The following PDE3A variants were observed in gnomAD, a reference collection of about 807,000 sequenced individuals.
The protein encoded by PDE3A is cGMP-inhibited 3',5'-cyclic phosphodiesterase 3A.
In PDE3A, 43 loss-of-function variants were observed where a neutral mutation model predicts 98.3. The ratio of observed to expected loss-of-function variants is 0.44; its 90% confidence interval spans 0.34 to 0.56. The LOEUF (loss-of-function observed/expected upper bound fraction) is 0.56, where lower values mean the gene tolerates loss of function less well. Ranked by LOEUF, PDE3A falls within the 20% of genes least tolerant of loss-of-function variation. PDE3A has a pLI of 0.01. For missense variants in PDE3A, 1,427 were observed against 1,440.7 expected, an observed-to-expected ratio of 0.99 and a Z score of 0.15; for synonymous variants, 663 against 567.9, an observed-to-expected ratio of 1.17 and a Z score of -2.38.
intron 2 of PDE3A, among the ~76,000 whole-genome samples, chr12:20,607,436 CAAA>C (rs765702703): frequency 4.9e-5 from 3 of 61,426 alleles, no homozygotes; most frequent in African/African-American, 1.3e-4. Context: ...GACTCCGTCT[CAAA>C]AAAAAAAAAA....
At chr12:20,590,026 A>G (rs1592087372) in intron 2 of PDE3A, among the ~76,000 whole-genome samples, 2 of 152,284 alleles carry the variant, frequency 1.3e-5, no homozygotes, top group African/African-American at 2.4e-5. Flanking sequence ...TGAGTTGGCA[A>G]CGTATTACAT....
intron 5 of PDE3A, among the ~76,000 whole-genome samples, chr12:20,625,948 T>C (rs1944251866): frequency 6.6e-6 from 1 of 152,180 alleles, no homozygotes; most frequent in Non-Finnish European, 1.5e-5. Context: ...TCTGCTAAAA[T>C]TACTCAAATA....
chr12:20,398,319 G>A (rs1944057900), intron 1 of PDE3A, among the ~76,000 whole-genome samples: 1 of 128,556 alleles, frequency 7.8e-6, no homozygotes, highest in Non-Finnish European at 1.7e-5. Context: ...TTTGCCTTTA[G>A]TGATATTATG....
At chr12:20,631,700 A>T (rs75721713) in intron 6 of PDE3A, among the ~76,000 whole-genome samples, 1,901 of 116,820 alleles carry the variant, frequency 0.016, 42 homozygotes, top group Non-Finnish European at 0.02. Flanking sequence ...ATCATAGTGT[A>T]TTTTTTTTTT....
intron 8 of PDE3A, 124 bp from the exon 9 acceptor site, chr12:20,636,976 T>C (rs1944528539): frequency 3.4e-6 from 2 of 595,482 alleles, no homozygotes; most frequent in South Asian, 2.9e-5. Flanking sequence ...AGATCACTTA[T>C]TCACCTTGGA....
At chr12:20,596,403 G>A (rs1395756550) in intron 2 of PDE3A, among the ~76,000 whole-genome samples, 3 of 152,060 alleles carry the variant, frequency 2.0e-5, no homozygotes, top group African/African-American at 7.2e-5. Flanking sequence ...CATGTCTGCT[G>A]ATCCTAGGAT....
intron 1 of PDE3A, among the ~76,000 whole-genome samples, chr12:20,386,102 T>TGTATATAAATATATAA (rs1943775811): frequency 1.2e-3 from 18 of 14,624 alleles, no homozygotes; most frequent in Admixed American, 3.4e-3. Flanking sequence ...TATATATAAA[T>TGTATATAAATATATAA]ATATATATAA....
rs77195655 is a variant in PDE3A at position 20,436,569 on chromosome 12, G to C, written c.960+66325G>C. 5.3e-5 allele frequency among the ~76,000 whole-genome samples: 8 copies of C among 152,274 alleles called. No homozygotes were observed. In the East Asian group the frequency reaches 1.5e-3, roughly 29 times the overall value. ...AAAAATATTTAGTGAGAGGAACTGG[G>C]AGTTTATCAGGAGACATGAATGATT... is the stretch of plus-strand genomic sequence containing the variant. On this transcript the variant is annotated intron_variant, in intron 1 of 15. Coordinates refer to ENST00000359062, the MANE Select transcript of PDE3A (RefSeq NM_000921.5).
At chr12:20,544,723 C>T (rs75949072) in intron 1 of PDE3A, among the ~76,000 whole-genome samples, 2,435 of 151,900 alleles carry the variant, frequency 0.016, 74 homozygotes, top group African/African-American at 0.056. Context: ...TTACATTTCT[C>T]CTCTCTTAAC....
intron 15 of PDE3A, 87 bp from the exon 16 acceptor site, chr12:20,679,943 C>T (rs1448226482): frequency 8.0e-6 from 5 of 627,074 alleles, no homozygotes; most frequent in African/African-American, 4.6e-5. Flanking sequence ...ATTAACTCCT[C>T]TTAATTATCT....
intron 2 of PDE3A, among the ~76,000 whole-genome samples, chr12:20,560,846 G>A (rs1942498628): frequency 1.3e-5 from 2 of 151,840 alleles, no homozygotes; most frequent in African/African-American, 2.4e-5. Context: ...TGTTTTCCTC[G>A]CCGGAAACCC....
At chr12:20,642,591 G>A (rs1944669561) in intron 10 of PDE3A, among the ~76,000 whole-genome samples, 2 of 152,104 alleles carry the variant, frequency 1.3e-5, no homozygotes, top group Non-Finnish European at 2.9e-5. Flanking sequence ...CCTCTCTAAA[G>A]CATATTCTCC....
intron 1 of PDE3A, among the ~76,000 whole-genome samples, chr12:20,412,921 T>A (rs1460555900): frequency 6.6e-6 from 1 of 152,178 alleles, no homozygotes. Flanking sequence ...AGGGAGTGCA[T>A]GTTTTAAAGT....
intron 1 of PDE3A, among the ~76,000 whole-genome samples, chr12:20,429,508 C>A (rs891162317): frequency 6.6e-6 from 1 of 152,144 alleles, no homozygotes; most frequent in Admixed American, 6.5e-5. Flanking sequence ...TTGATCACAT[C>A]TGTGTTTCTG....
intron 1 of PDE3A, among the ~76,000 whole-genome samples, chr12:20,402,215 C>T (rs1205917587): frequency 6.6e-6 from 1 of 151,926 alleles, no homozygotes; most frequent in Non-Finnish European, 1.5e-5. Flanking sequence ...AGTGGCACGA[C>T]CTTGGCTCAC....
chr12:20,370,404 T>G (rs1314530296), intron 1 of PDE3A, 160 bp downstream of exon 1: 9 of 473,300 alleles, frequency 1.9e-5, no homozygotes, highest in East Asian at 1.3e-4. Flanking sequence ...TTTTTTGTTT[T>G]TTTTGTTTTT....
intron 1 of PDE3A, among the ~76,000 whole-genome samples, chr12:20,510,431 A>T (rs1029764433): frequency 1.3e-5 from 2 of 152,124 alleles, no homozygotes; most frequent in Non-Finnish European, 2.9e-5. Flanking sequence ...AATGGATGGC[A>T]GTTCAAAATT....
chr12:20,576,404 T>C lies in PDE3A; in HGVS notation c.1011+19694T>C, dbSNP rs181031173. Among the ~76,000 whole-genome samples the C allele has an allele frequency of 2.6e-5, 4 of 152,226 alleles. No homozygotes were observed. The East Asian group carries it at 7.7e-4, about 29-fold the overall frequency. ...ATGTTACAATTTTTATATTATCTAT[T>C]GAATGTTAGATTGGCAGGAAATAGC... On this transcript the variant is annotated intron_variant, in intron 2 of 15. Coordinates refer to ENST00000359062, the MANE Select transcript of PDE3A (RefSeq NM_000921.5).
chr12:20,677,218 T>C lies in PDE3A; in HGVS notation c.3185-2812T>C, dbSNP rs533055665. ...TTTGTTTTTATACCTGTCTCTTTAG[T>C]AAATTTCTCATTCATATTATGAATT... is the stretch of plus-strand genomic sequence containing the variant. On this transcript the variant is annotated intron_variant, in intron 15 of 15. Coordinates refer to ENST00000359062, the MANE Select transcript of PDE3A (RefSeq NM_000921.5). Among the ~76,000 whole-genome samples, 12 of 152,280 alleles carry C rather than the reference T, an allele frequency of 7.9e-5. No individual in the cohort carries two copies. In the East Asian group the frequency reaches 2.3e-3, roughly 29 times the overall value.
Sources: allele counts gnomAD v4.1 joint callset (sites outside exome capture counted in the v4.1 genomes callset), GRCh38; gene constraint gnomAD v4.1.1; transcripts MANE v1.5; gene names NCBI Gene and HGNC (gene_info 2026-07-23, HGNC 2026-07-21).